The following MACF1 variants were observed in gnomAD, a reference collection of about 807,000 sequenced individuals.
The protein encoded by MACF1 is microtubule-actin cross-linking factor 1.
MACF1 carries 193 observed loss-of-function variants against 854.8 expected under a neutral mutation model. The observed-to-expected ratio is 0.23, with a 90% CI of 0.20 to 0.25. The LOEUF (loss-of-function observed/expected upper bound fraction) is 0.25. MACF1 is among the 10% of genes least tolerant of loss of function. The probability of loss-of-function intolerance (pLI) is 1.00; values close to 1 mark genes in which losing one functional copy is unlikely to be tolerated. For missense variants in MACF1, 7,722 were observed against 8,929.1 expected, an observed-to-expected ratio of 0.86 and a Z score of 5.45; for synonymous variants, 3,185 against 3,226.7, an observed-to-expected ratio of 0.99 and a Z score of 0.44.
At chr1:39,288,750 C>A (rs1304505579) in intron 15 of MACF1, among the ~76,000 whole-genome samples, 1 of 152,166 alleles carries the variant, frequency 6.6e-6, no homozygotes, top group Non-Finnish European at 1.5e-5. Context: ...CAAGATCGCA[C>A]CACTGCGCTC....
At position 39,332,081 on chromosome 1, in the gene MACF1, T is replaced by A. The variant is rs1032486952; in HGVS notation, c.5493T>A (p.Asp1831Glu). The A allele has an allele frequency of 6.2e-7, 1 of 1,614,018 alleles. No homozygotes were observed. Residue 1831 changes from aspartate (D) to glutamate (E), a missense_variant, in exon 37 of 101, where the codon GAT becomes GAA. Asp to Glu is a conservative substitution (Grantham distance 45). Coordinates refer to ENST00000564288, the MANE Select transcript of MACF1 (RefSeq NM_001394062.1). ...RLTIDEAVSN[D>E]LVAAKIALVI... ...CAATAGATGAAGCAGTGAGCAATGATCTAGTAGCTGCTAAGATCGCCCTTG... is the reference window on the plus strand; with the variant it reads ...CAATAGATGAAGCAGTGAGCAATGAACTAGTAGCTGCTAAGATCGCCCTTG...
intron 95 of MACF1, among the ~76,000 whole-genome samples, chr1:39,465,694 G>A (rs1050872394): frequency 5.9e-5 from 9 of 152,188 alleles, no homozygotes; most frequent in Non-Finnish European, 8.8e-5. Context: ...ACTCCACTTG[G>A]TAACTCTAAC....
At chr1:39,429,194 C>T in intron 63 of MACF1, 48 bp from the exon 64 acceptor site, 1 of 962,154 alleles carries the variant, frequency 1.0e-6, no homozygotes, top group Non-Finnish European at 1.7e-6. Flanking sequence ...CATTTTGTTT[C>T]ATTTGTAGTG....
intron 2 of MACF1, among the ~76,000 whole-genome samples, chr1:39,194,757 T>C (rs1476734074): frequency 6.7e-6 from 1 of 149,418 alleles, no homozygotes; most frequent in Admixed American, 6.8e-5. Context: ...AGTGGTGTGA[T>C]CATAGCTCAC....
chr1:39,250,644 T>C (rs1557544211), intron 3 of MACF1, among the ~76,000 whole-genome samples: 1 of 152,230 alleles, frequency 6.6e-6, no homozygotes, highest in African/African-American at 2.4e-5. Context: ...TTTGGAGAGC[T>C]GCCAAAGTTG....
Position 39,382,082 on chromosome 1 carries a change from T to C in MACF1, c.13778T>C (p.Leu4593Pro). ...CGGCCGTGGCTGATGGAGAAAGAAC[T>C]GATGATGGGAGTGCTGGGGCCCCTG... ...QLRPWLMEKE[L>P]MMGVLGPLSI... The change falls in exon 56 of 101, where the codon CTG (leucine) becomes CCG (proline). Residue 4593 changes from leucine (L) to proline (P), a missense_variant. Coordinates refer to ENST00000564288, the MANE Select transcript of MACF1 (RefSeq NM_001394062.1). The C allele has an allele frequency of 6.2e-7, 1 of 1,614,104 alleles. No individual in the cohort carries two copies. The highest frequency in any genetic ancestry group is 8.5e-7 in the Non-Finnish European group (1 of 1,180,020).
At chr1:39,139,985 T>C (rs559100589) in intron 2 of MACF1, among the ~76,000 whole-genome samples, 2 of 151,898 alleles carry the variant, frequency 1.3e-5, no homozygotes, top group African/African-American at 4.8e-5. Flanking sequence ...GACAAGGTCT[T>C]GGCTGTTGCA....
intron 6 of MACF1, among the ~76,000 whole-genome samples, chr1:39,275,338 T>C (rs1452477446): frequency 6.6e-6 from 1 of 152,086 alleles, no homozygotes; most frequent in African/African-American, 2.4e-5. Context: ...CGCCTCTGCC[T>C]CCCAAAGTGC....
At chr1:39,273,975 A>G (rs1333477102) in intron 6 of MACF1, among the ~76,000 whole-genome samples, 1 of 152,224 alleles carries the variant, frequency 6.6e-6, no homozygotes, top group Admixed American at 6.5e-5. Context: ...TGTTGTGGTT[A>G]TGTTTTAAAA....
chr1:39,411,005 A>T, intron 58 of MACF1: 1 of 1,614,036 alleles, frequency 6.2e-7, no homozygotes, highest in Non-Finnish European at 8.5e-7. Context: ...GGTAACACAG[A>T]TGTAATGCAG....
chr1:39,453,626 A>G, intron 87 of MACF1, 81 bp from the exon 88 acceptor site: 2 of 1,258,410 alleles, frequency 1.6e-6, no homozygotes, highest in Non-Finnish European at 2.3e-6. Context: ...AAACATTGAA[A>G]TTTATCCCCC....
chr1:39,327,221 C>G lies in MACF1; in HGVS notation c.4482C>G (p.Leu1494=), dbSNP rs868615840. The G allele has an allele frequency of 1.1e-5, 17 of 1,565,908 alleles. No homozygotes were observed. Among genetic ancestry groups the G allele is most frequent in the Middle Eastern group, 1.7e-4 (1 of 5,868 alleles). The part of the protein sequence containing the change: ...QIFLAKHGHK[L]SEKEKKQISE... ...GCTTTAATGCTTCATCTTCCAGGCTCTCAGAAAAAGAGAAGAAACAAATAT... is the reference window on the plus strand; with the variant it reads ...GCTTTAATGCTTCATCTTCCAGGCTGTCAGAAAAAGAGAAGAAACAAATAT... Residue 1494 remains leucine (L), a synonymous_variant, in exon 36 of 101, where the codon CTC becomes CTG. Transcript: ENST00000564288.
intron 85 of MACF1, among the ~76,000 whole-genome samples, chr1:39,451,779 A>G (rs886775759): frequency 6.6e-6 from 1 of 152,214 alleles, no homozygotes; most frequent in Non-Finnish European, 1.5e-5. Context: ...ACAGATGAAG[A>G]AACTGGGCCT....
intron 31 of MACF1, 115 bp from the exon 32 acceptor site, chr1:39,322,493 C>T: frequency 1.2e-6 from 1 of 823,348 alleles, no homozygotes. Context: ...GTTTGCTAAC[C>T]TCCAGCATGA....
intron 43 of MACF1, among the ~76,000 whole-genome samples, chr1:39,352,597 A>C (rs1647219824): frequency 6.6e-6 from 1 of 152,142 alleles, no homozygotes. Context: ...GGCTTACTGC[A>C]ACCTCCACCT....
In MACF1 at chr1:39,387,729, A is replaced by C; in HGVS notation, c.14887A>C (p.Asn4963His). ...EKRRSLLEIL[N>H]SAADILINSS... is the part of the protein sequence containing the mutation. ...GCGCCGCTCCCTGCTGGAAATATTG[A>C]ATAGTGCTGCTGACATTCTGATCAA... The change falls in exon 58 of 101, where the codon AAT becomes CAT. Residue 4963 changes from asparagine (N) to histidine (H), a missense_variant. Transcript: ENST00000564288. 6.2e-7 allele frequency: 1 copy of C among 1,614,164 alleles called. No individual in the cohort carries two copies. The highest frequency in any genetic ancestry group is 8.5e-7 in the Non-Finnish European group (1 of 1,180,048).
At chr1:39,360,422 C>A (rs1211171856) in intron 47 of MACF1, among the ~76,000 whole-genome samples, 2 of 151,848 alleles carry the variant, frequency 1.3e-5, no homozygotes, top group Non-Finnish European at 2.9e-5. Context: ...GCATCTAGTA[C>A]AATTTCTGGT....
intron 2 of MACF1, among the ~76,000 whole-genome samples, chr1:39,242,799 C>T (rs1009738007): frequency 6.6e-6 from 1 of 150,812 alleles, no homozygotes; most frequent in Non-Finnish European, 1.5e-5. Context: ...AATCCCAACA[C>T]TTTGGGAGGC....
At chr1:39,370,005 A>G (rs201455314) in intron 50 of MACF1, 25 bp from the exon 51 acceptor site, 18 of 1,597,174 alleles carry the variant, frequency 1.1e-5, no homozygotes, top group African/African-American at 6.7e-5. Context: ...TAGTCTGGCA[A>G]GTAACAAAAC....
Sources: gnomAD v4.1 joint callset for allele counts (sites outside exome capture counted in the v4.1 genomes callset) on GRCh38, gnomAD v4.1.1 for gene constraint, MANE v1.5 for transcripts, NCBI Gene and HGNC (gene_info 2026-07-23, HGNC 2026-07-21) for gene names.